LRMDA: variants seen among roughly 807,000 people sequenced by gnomAD.
LRMDA encodes leucine rich melanocyte differentiation associated.
In LRMDA, 18 loss-of-function variants were observed where a neutral mutation model predicts 29.8. The observed-to-expected ratio is 0.60, with a 90% CI of 0.42 to 0.90. The LOEUF is 0.90. LRMDA is among the 40% of genes least tolerant of loss of function. LRMDA has a pLI of 0.00. For missense variants in LRMDA, 273 were observed against 273.9 expected (o/e 1.00, Z 0.02); for synonymous variants, 125 against 109.4 (o/e 1.14, Z -0.89).
chr10:75,575,061 G>T (rs1840486023), intron 2 of LRMDA, among the ~76,000 whole-genome samples: 2 of 152,196 alleles, frequency 1.3e-5, no homozygotes, highest in Admixed American at 6.5e-5. Flanking sequence ...GAGGAAGAGA[G>T]AGAAGGGAGA....
intron 2 of LRMDA, among the ~76,000 whole-genome samples, chr10:75,811,792 T>G (rs939399445): frequency 6.6e-6 from 1 of 152,162 alleles, no homozygotes; most frequent in African/African-American, 2.4e-5. Flanking sequence ...CAAATCCACT[T>G]GCTGTGTTGG....
intron 2 of LRMDA, among the ~76,000 whole-genome samples, chr10:75,839,160 A>C (rs1201598089): frequency 6.6e-6 from 1 of 152,266 alleles, no homozygotes; most frequent in African/African-American, 2.4e-5. Context: ...TGGAGGCTTC[A>C]TCAAGAATGC....
At chr10:75,705,599 G>A (rs571029587) in intron 2 of LRMDA, among the ~76,000 whole-genome samples, 5 of 152,324 alleles carry the variant, frequency 3.3e-5, no homozygotes, top group African/African-American at 1.2e-4. Flanking sequence ...TGGAGGAGGG[G>A]CCGAATGATG....
intron 2 of LRMDA, among the ~76,000 whole-genome samples, chr10:75,876,790 A>G (rs1845205669): frequency 6.6e-6 from 1 of 152,176 alleles, no homozygotes; most frequent in Non-Finnish European, 1.5e-5. Flanking sequence ...AATAACTACG[A>G]TTAAGTGCTT....
intron 6 of LRMDA, among the ~76,000 whole-genome samples, chr10:76,349,747 A>G (rs1026991826): frequency 2.0e-4 from 30 of 152,294 alleles, no homozygotes; most frequent in African/African-American, 6.0e-4. Flanking sequence ...AGCTATTTCA[A>G]TGGGAGTTGT....
chr10:75,866,242 G>A (rs1034534653), intron 2 of LRMDA, among the ~76,000 whole-genome samples: 1 of 152,084 alleles, frequency 6.6e-6, no homozygotes, highest in African/African-American at 2.4e-5. Flanking sequence ...GCCACCCATG[G>A]CTCTGTGAGC....
chr10:76,265,396 G>T (rs1839993702), intron 5 of LRMDA, among the ~76,000 whole-genome samples: 1 of 152,170 alleles, frequency 6.6e-6, no homozygotes, highest in Admixed American at 6.5e-5. Flanking sequence ...ACTGGGCTCA[G>T]TGGTTGAGCC....
chr10:76,039,867 G>T (rs1848313074), intron 3 of LRMDA, among the ~76,000 whole-genome samples: 1 of 152,194 alleles, frequency 6.6e-6, no homozygotes, highest in African/African-American at 2.4e-5. Context: ...TATTGTTGTT[G>T]TTATTATCCT....
Position 76,342,295 on chromosome 10 carries a change from T to C in LRMDA, c.601+17810T>C, listed in dbSNP as rs554570216. Among the ~76,000 whole-genome samples the C allele has an allele frequency of 5.3e-5, 8 of 152,152 alleles. No individual in the cohort carries two copies. In the South Asian group the frequency reaches 1.7e-3, roughly 32 times the overall value. ...GGATTAAAAACAAACAAAAAAAAGA[T>C]AACATATAAGCCTAAACTGTAGAAT... On this transcript the variant is annotated intron_variant, in intron 6 of 6. Coordinates refer to ENST00000611255, the MANE Select transcript of LRMDA (RefSeq NM_001305581.2).
chr10:76,464,316 A>T (rs969047304), intron 6 of LRMDA, among the ~76,000 whole-genome samples: 7 of 152,146 alleles, frequency 4.6e-5, no homozygotes, highest in African/African-American at 1.7e-4. Context: ...TGATGCATAG[A>T]GGCAAGAGAA....
At chr10:75,719,854 T>A (rs560389831) in intron 2 of LRMDA, among the ~76,000 whole-genome samples, 30 of 152,168 alleles carry the variant, frequency 2.0e-4, no homozygotes, top group Non-Finnish European at 3.2e-4. Context: ...AATTACTTTA[T>A]AAGCTGGATA....
intron 2 of LRMDA, among the ~76,000 whole-genome samples, chr10:75,898,664 C>T (rs1845623812): frequency 6.6e-6 from 1 of 151,886 alleles, no homozygotes; most frequent in African/African-American, 2.4e-5. Flanking sequence ...AAAAAAGAGT[C>T]CAGGTTTTAG....
At chr10:76,266,977 G>C (rs2132316193) in intron 5 of LRMDA, among the ~76,000 whole-genome samples, 1 of 152,162 alleles carries the variant, frequency 6.6e-6, no homozygotes, top group African/African-American at 2.4e-5. Context: ...AAATGATACA[G>C]GAGGGACACA....
chr10:75,904,778 A>G (rs1476858341), intron 2 of LRMDA, among the ~76,000 whole-genome samples: 2 of 152,182 alleles, frequency 1.3e-5, no homozygotes, highest in Non-Finnish European at 2.9e-5. Context: ...CGAGAAAGCT[A>G]TAGATTGATG....
chr10:75,918,604 A>G (rs1845973853), intron 2 of LRMDA, among the ~76,000 whole-genome samples: 1 of 152,156 alleles, frequency 6.6e-6, no homozygotes. Context: ...AATATTAGGG[A>G]TTACGATCCA....
intron 5 of LRMDA, among the ~76,000 whole-genome samples, chr10:76,246,560 A>G (rs993176678): frequency 1.3e-5 from 2 of 151,812 alleles, no homozygotes; most frequent in Non-Finnish European, 2.9e-5. Context: ...GGAAAGCCGT[A>G]CGAATCCACA....
intron 5 of LRMDA, among the ~76,000 whole-genome samples, chr10:76,261,925 A>G (rs1839948928): frequency 6.6e-6 from 1 of 152,152 alleles, no homozygotes; most frequent in South Asian, 2.1e-4. Flanking sequence ...AAGGAAAAAT[A>G]TTAGTGGGGA....
rs538732632 is a variant in LRMDA, at chr10:75,731,749, A to G, written c.131+293255A>G. 6.6e-5 allele frequency among the ~76,000 whole-genome samples: 10 copies of G among 152,336 alleles called. No homozygotes were observed. The East Asian group carries it at 1.9e-3, about 29-fold the overall frequency. ...TCTAGCACAAACTCTGATACGATAG[A>G]AATGATGTCTGGCTAATTTTGGACT... On this transcript the variant is annotated intron_variant, in intron 2 of 6. Transcript: ENST00000611255.
intron 5 of LRMDA, among the ~76,000 whole-genome samples, chr10:76,082,631 A>G (rs1052046763): frequency 6.6e-6 from 1 of 152,184 alleles, no homozygotes. Context: ...ATGTAAATTA[A>G]TATAAGAATA....
Sources: allele counts gnomAD v4.1 joint callset (sites outside exome capture counted in the v4.1 genomes callset), GRCh38; gene constraint gnomAD v4.1.1; transcripts MANE v1.5; gene names NCBI Gene and HGNC (gene_info 2026-07-23, HGNC 2026-07-21).